The following PLAC1 variants were observed in gnomAD, a reference collection of about 807,000 sequenced individuals.
PLAC1 encodes placenta associated 1, also known as placenta-specific protein 1.
For synonymous variants in PLAC1, 68 were observed against 62.1 expected (o/e 1.09, Z -0.44); for missense variants, 136 against 163.2 (o/e 0.83, Z 0.91).
intron 1 of PLAC1, among the ~76,000 whole-genome samples, chrX:134,603,303 A>ATT (rs2078102889): frequency 3.8e-4 from 2 of 5,242 alleles, no homozygotes; most frequent in African/African-American, 7.1e-4. Flanking sequence ...ATATATATAT[A>ATT]TATATATATA....
At chrX:134,598,461 A>G (rs2078072301) in intron 2 of PLAC1, among the ~76,000 whole-genome samples, 1 of 111,936 alleles carries the variant, frequency 8.9e-6, no homozygotes, top group East Asian at 2.8e-4. Flanking sequence ...AAAACAAGAA[A>G]AGTGAATTCT....
At chrX:134,587,439 G>A (rs2078010111) in intron 2 of PLAC1, among the ~76,000 whole-genome samples, 1 of 109,572 alleles carries the variant, frequency 9.1e-6, no homozygotes, top group Non-Finnish European at 1.9e-5. Flanking sequence ...AAAATAGCCG[G>A]TCATGGTTGT....
chrX:134,635,456 G>GCCGC (rs2078279008), intron 1 of PLAC1, among the ~76,000 whole-genome samples: 2 of 110,651 alleles, frequency 1.8e-5, no homozygotes. Flanking sequence ...TCCCACCTCA[G>GCCGC]CCGCCCGAGT....
chrX:134,639,160 G>A (rs888450637), intron 1 of PLAC1, among the ~76,000 whole-genome samples: 1 of 111,481 alleles, frequency 9.0e-6, no homozygotes, highest in Non-Finnish European at 1.9e-5. Flanking sequence ...CATTTTGTAT[G>A]CACCCATCAC....
At chrX:134,719,376 A>C (rs2078651500) in intron 2 of PLAC1, among the ~76,000 whole-genome samples, 1 of 112,497 alleles carries the variant, frequency 8.9e-6, no homozygotes, top group Non-Finnish European at 1.9e-5. Context: ...TCAACATAAG[A>C]AAATCAGTCA....
At chrX:134,720,652 A>G (rs1181659530) in intron 2 of PLAC1, among the ~76,000 whole-genome samples, 1 of 111,929 alleles carries the variant, frequency 8.9e-6, no homozygotes, top group Non-Finnish European at 1.9e-5. Flanking sequence ...GTGACAAAGG[A>G]AAAAAAAGAG....
intron 1 of PLAC1, among the ~76,000 whole-genome samples, chrX:134,642,138 G>A (rs2078310356): frequency 8.9e-6 from 1 of 112,234 alleles, no homozygotes; most frequent in Non-Finnish European, 1.9e-5. Flanking sequence ...GTGCCCTTTG[G>A]GGTTGAAACC....
intron 1 of PLAC1, among the ~76,000 whole-genome samples, chrX:134,618,525 C>T (rs1356578769): frequency 8.9e-6 from 1 of 111,909 alleles, no homozygotes; most frequent in Non-Finnish European, 1.9e-5. Flanking sequence ...CCCACCTTAG[C>T]TTCCTCAGTT....
exon 2 of PLAC1, chrX:134,733,486 T>G (rs941146623): frequency 2.7e-5 from 3 of 111,883 alleles, no homozygotes; most frequent in Admixed American, 1.9e-4. Context: ...GCCTTTCTCC[T>G]TCAGACTTCG....
intron 2 of PLAC1, among the ~76,000 whole-genome samples, chrX:134,575,698 G>A (rs1426564932): frequency 9.4e-6 from 1 of 106,619 alleles, no homozygotes; most frequent in African/African-American, 3.4e-5. Context: ...GAACCCAGGA[G>A]GCAGAGGTTG....
chrX:134,567,800 A>AAG (rs1193095653), intron 2 of PLAC1, among the ~76,000 whole-genome samples: 1 of 89,313 alleles, frequency 1.1e-5, no homozygotes, highest in African/African-American at 3.9e-5. Context: ...AAAGGAAAGA[A>AAG]AGAGAGAGAG....
intron 2 of PLAC1, among the ~76,000 whole-genome samples, chrX:134,691,995 A>G (rs73224758): frequency 0.017 from 1,932 of 112,154 alleles, 17 homozygotes; most frequent in Non-Finnish European, 0.027. Flanking sequence ...GCTTTTGCAA[A>G]CCAGGATAAC....
At chrX:134,749,841 G>A (rs1294738897) in intron 1 of PLAC1, among the ~76,000 whole-genome samples, 1 of 111,055 alleles carries the variant, frequency 9.0e-6, no homozygotes, top group Non-Finnish European at 1.9e-5. Context: ...ATAGCAATGG[G>A]CTTACACAGT....
intron 2 of PLAC1, among the ~76,000 whole-genome samples, chrX:134,705,971 G>A (rs1041179492): frequency 3.6e-5 from 4 of 111,716 alleles, no homozygotes; most frequent in African/African-American, 1.3e-4. Flanking sequence ...AGGGACCTTG[G>A]GAACTGAGGC....
intron 2 of PLAC1, among the ~76,000 whole-genome samples, chrX:134,577,814 T>C (rs1394492678): frequency 9.2e-6 from 1 of 108,426 alleles, no homozygotes; most frequent in East Asian, 2.9e-4. Flanking sequence ...GCACATGTAT[T>C]ATGAACAAAT....
rs760098539 is a variant in PLAC1 at position 134,754,758 on chromosome X, C to CTTT, written n.89+9473_89+9475dup. 1.7e-3 allele frequency among the ~76,000 whole-genome samples: 113 copies of CTTT among 66,091 alleles called. 1 individual carries two copies. The highest frequency in any genetic ancestry group is 4.3e-3 in the South Asian group (4 of 927). 57.4% of individuals were successfully genotyped at this position (66,091 alleles called of 115,157 possible). A position where few individuals can be genotyped will look rare whatever the true frequency, so the allele number is the denominator to read the frequency against. ...TGCTACATTTCGAACATTTATTGTT[C>CTTT]TTTTTTTTTTTTTTTTTTTTTGGTG... On this transcript the variant is annotated intron_variant and non_coding_transcript_variant, in intron 1 of 2. Transcript: ENST00000466797.
At chrX:134,684,197 C>T (rs931297157) in intron 2 of PLAC1, among the ~76,000 whole-genome samples, 1 of 110,746 alleles carries the variant, frequency 9.0e-6, no homozygotes, top group Non-Finnish European at 1.9e-5. Context: ...AGGGAGCCCA[C>T]CTGGTGCTAA....
At chrX:134,740,318 CAA>C (rs77285641) in intron 1 of PLAC1, among the ~76,000 whole-genome samples, 9 of 50,767 alleles carry the variant, frequency 1.8e-4, no homozygotes, top group Admixed American at 7.8e-4. Context: ...ATTCCGTCTC[CAA>C]AAAAAAAAAA....
intron 2 of PLAC1, among the ~76,000 whole-genome samples, chrX:134,682,919 A>G (rs1015624900): frequency 5.4e-5 from 6 of 111,704 alleles, no homozygotes; most frequent in African/African-American, 2.0e-4. Context: ...GCCCCTTAAA[A>G]GCCAAACTCA....
Sources: allele counts gnomAD v4.1 joint callset (sites outside exome capture counted in the v4.1 genomes callset), GRCh38; gene constraint gnomAD v4.1.1; transcripts MANE v1.5; gene names NCBI Gene and HGNC (gene_info 2026-07-23, HGNC 2026-07-21).